Variants in DAB2IP observed in about 807,000 individuals in gnomAD.
The protein encoded by DAB2IP is DAB2 interacting protein.
Under a neutral mutation model 107.2 loss-of-function variants are expected in DAB2IP, and 28 were observed. That is an observed-to-expected ratio of 0.26 (90% CI 0.19 to 0.36). DAB2IP has a LOEUF of 0.36. DAB2IP is among the 10% of genes least tolerant of loss of function. The pLI, the probability that DAB2IP is intolerant of heterozygous loss-of-function variation, is 1.00. For synonymous variants in DAB2IP, 755 were observed against 706.4 expected (o/e 1.07, Z -1.09); for missense variants, 1,400 against 1,644.7 (o/e 0.85, Z 2.57).
At chr9:121,730,197 A>G (rs1418185206) in intron 3 of DAB2IP, among the ~76,000 whole-genome samples, 2 of 152,206 alleles carry the variant, frequency 1.3e-5, no homozygotes, top group African/African-American at 4.8e-5. Context: ...AAGCAACAGT[A>G]AGCCTGAAGA....
At chr9:121,668,745 C>T (rs967308651) in intron 1 of DAB2IP, among the ~76,000 whole-genome samples, 4 of 151,904 alleles carry the variant, frequency 2.6e-5, no homozygotes, top group Admixed American at 2.0e-4. Context: ...ATTCATAGCC[C>T]GTCCCCTTCT....
At chr9:121,703,334 A>C (rs1225767336) in intron 3 of DAB2IP, among the ~76,000 whole-genome samples, 1 of 152,172 alleles carries the variant, frequency 6.6e-6, no homozygotes, top group Non-Finnish European at 1.5e-5. Flanking sequence ...CTGGGCACCC[A>C]AGTCTGGTGT....
rs537591123 is a variant in DAB2IP, at chr9:121,734,600, A to G, written c.363-22413A>G. On this transcript the variant is annotated intron_variant, in intron 3 of 15. Transcript: ENST00000408936. The stretch of plus-strand genomic sequence containing the variant: ...CTATGAGAGCTGTCATGCAAAGGAA[A>G]AGGCCCTGTTATGGGGCCCTGTTTT... Among the ~76,000 whole-genome samples, 7 of 152,334 alleles carry G rather than the reference A, an allele frequency of 4.6e-5. No individual in the cohort carries two copies. In the South Asian group the frequency reaches 1.4e-3, roughly 32 times the overall value.
chr9:121,624,839 T>C (rs1215543586), intron 1 of DAB2IP, among the ~76,000 whole-genome samples: 1 of 152,234 alleles, frequency 6.6e-6, no homozygotes, highest in Non-Finnish European at 1.5e-5. Context: ...ACTGAGAAAG[T>C]TAAAAGACAG....
chr9:121,656,501 C>G (rs568793422), intron 1 of DAB2IP, among the ~76,000 whole-genome samples: 1 of 152,236 alleles, frequency 6.6e-6, no homozygotes, highest in Non-Finnish European at 1.5e-5. Flanking sequence ...TCATTATGCC[C>G]TTTTCTGCCT....
chr9:121,603,521 C>T (rs1025038485), intron 1 of DAB2IP, among the ~76,000 whole-genome samples: 10 of 152,122 alleles, frequency 6.6e-5, no homozygotes, highest in Admixed American at 4.6e-4. Flanking sequence ...GGGGAGGGAG[C>T]GGTGATAAGA....
At chr9:121,728,121 G>C (rs967268739) in intron 3 of DAB2IP, among the ~76,000 whole-genome samples, 1 of 152,164 alleles carries the variant, frequency 6.6e-6, no homozygotes, top group Admixed American at 6.5e-5. Flanking sequence ...TGAAAGATCT[G>C]AATGCAAAAG....
intron 2 of DAB2IP, among the ~76,000 whole-genome samples, chr9:121,696,579 C>T (rs914707791): frequency 1.4e-4 from 21 of 152,188 alleles, no homozygotes; most frequent in Non-Finnish European, 2.9e-4. Flanking sequence ...CCTCCACCCC[C>T]ATGAAGGAGA....
chr9:121,592,210 A>G (rs1830433381), intron 1 of DAB2IP, among the ~76,000 whole-genome samples: 1 of 152,136 alleles, frequency 6.6e-6, no homozygotes, highest in African/African-American at 2.4e-5. Context: ...TCTACTGAAT[A>G]CAAAAATTAT....
At chr9:121,707,128 C>T (rs1384115250) in intron 3 of DAB2IP, among the ~76,000 whole-genome samples, 2 of 152,232 alleles carry the variant, frequency 1.3e-5, no homozygotes, top group Non-Finnish European at 2.9e-5. Flanking sequence ...CAGCTGATGA[C>T]AGTGCCTTGG....
chr9:121,699,341 G>C lies in DAB2IP; in HGVS notation c.245G>C (p.Arg82Pro). 2 of 1,382,842 alleles carry C rather than the reference G, an allele frequency of 1.4e-6. No homozygotes were observed. The highest frequency in any genetic ancestry group is 1.5e-5 in the African/African-American group (1 of 64,964). The allele number at this position is 1,382,842 out of a possible 1,614,324, so 85.7% of individuals were successfully genotyped here. ...CGTGCGCAGGGCTTCCTCAGCCGCC[G>C]CCTCAAGGGCTCCATCAAGCGCACC... Residue 82 changes from arginine (R) to proline (P), a missense_variant, in exon 3 of 16, where the codon CGC becomes CCC. By Grantham distance (103) the Arg-to-Pro change is moderately radical. Transcript: ENST00000408936. This position sits in a 1 kb window ranked among gnomAD's most constrained non-coding sequence, Gnocchi z 6.2.
At chr9:121,785,341 C>G (rs1014897026) in exon 16 of DAB2IP, 4 of 152,682 alleles carry the variant, frequency 2.6e-5, no homozygotes, top group Non-Finnish European at 5.9e-5. Flanking sequence ...CAGCTCCCCT[C>G]TTTTGTAAGT....
intron 12 of DAB2IP, 87 bp downstream of exon 12, chr9:121,773,582 A>T (rs940343894): frequency 7.6e-7 from 1 of 1,316,454 alleles, no homozygotes. Context: ...CCTCTCGGTC[A>T]TTTCACCTCC....
intron 14 of DAB2IP, among the ~76,000 whole-genome samples, chr9:121,778,192 GCTCCCTTGGGCTTCTTGTATA>G: frequency 6.6e-6 from 1 of 152,194 alleles, no homozygotes; most frequent in Non-Finnish European, 1.5e-5. Flanking sequence ...GTGTGAGCAA[GCTCCCTTGGGCTTCTTGTATA>G]ATATAAAAGC....
chr9:121,581,013 C>T (rs765937242), intron 1 of DAB2IP, among the ~76,000 whole-genome samples: 9 of 152,204 alleles, frequency 5.9e-5, no homozygotes, highest in Non-Finnish European at 1.0e-4. Context: ...GCTGGGGTAG[C>T]GGCCTCAAAT....
In DAB2IP at chr9:121,737,539, GGGCCTCTGT is replaced by G. The variant is rs1392396548; in HGVS notation, c.363-19468_363-19460del. ...CTGGGTGAGCACCACCCTTGGGAATGGGCCTCTGTGGCCTTGGACTTCTTAGTGACAACT... is the reference window on the plus strand; with the variant it reads ...CTGGGTGAGCACCACCCTTGGGAATGGGCCTTGGACTTCTTAGTGACAACT... On this transcript the variant is annotated intron_variant, in intron 3 of 15. Transcript: ENST00000408936. 5 of 985,454 alleles carry G rather than the reference GGGCCTCTGT, an allele frequency of 5.1e-6. No individual in the cohort carries two copies. In the African/African-American group the frequency reaches 8.7e-5, roughly 17 times the overall value. 61.0% of individuals were successfully genotyped at this position (985,454 alleles called of 1,614,324 possible).
At chr9:121,713,182 A>C (rs556895840) in intron 3 of DAB2IP, among the ~76,000 whole-genome samples, 1 of 152,180 alleles carries the variant, frequency 6.6e-6, no homozygotes, top group East Asian at 1.9e-4. Context: ...TAATTGTCTC[A>C]CCCAGGGGCA....
Position 121,576,748 on chromosome 9 carries a change from A to G in DAB2IP, c.40+9520A>G, listed in dbSNP as rs190639117. 3.4e-3 allele frequency among the ~76,000 whole-genome samples: 522 copies of G among 151,902 alleles called. 13 individuals carry two copies. The highest frequency in any genetic ancestry group is 0.032 in the Admixed American group (495 of 15,254). ...GACATGGGGACCTGGGTGGAAGGGC[A>G]GATTCTGGGGGGGGAGGGGAAACGA... On this transcript the variant is annotated intron_variant, in intron 1 of 16. Coordinates refer to the DAB2IP transcript ENST00000259371.
At chr9:121,587,849 T>C (rs1338806918) in intron 1 of DAB2IP, among the ~76,000 whole-genome samples, 4 of 152,128 alleles carry the variant, frequency 2.6e-5, no homozygotes, top group Non-Finnish European at 5.9e-5. Context: ...GTTTTTTCAG[T>C]ATAAGTGTGT....
Sources: allele counts gnomAD v4.1 joint callset (sites outside exome capture counted in the v4.1 genomes callset), GRCh38; gene constraint gnomAD v4.1.1; non-coding constraint Gnocchi (gnomAD v3.1); transcripts MANE v1.5; gene names NCBI Gene and HGNC (gene_info 2026-07-23, HGNC 2026-07-21).